SEMA3C: variants seen among roughly 807,000 people sequenced by gnomAD.
SEMA3C encodes the protein semaphorin 3C.
A neutral mutation model predicts 89.4 loss-of-function variants in SEMA3C; 47 were observed. The ratio of observed to expected loss-of-function variants is 0.53; its 90% CI spans 0.42 to 0.67. SEMA3C has a LOEUF of 0.67. Ranked by LOEUF, SEMA3C falls within the 30% of genes least tolerant of loss-of-function variation. The pLI is 0.00. For synonymous variants in SEMA3C, 310 were observed against 320.2 expected, an observed-to-expected ratio of 0.97 and a Z score of 0.34; for missense variants, 839 against 929.1, an observed-to-expected ratio of 0.90 and a Z score of 1.26.
intron 3 of SEMA3C, 107 bp from the exon 4 acceptor site, chr7:80,827,594 C>T (rs1327484864): frequency 5.8e-6 from 4 of 695,112 alleles, no homozygotes; most frequent in Admixed American, 3.7e-5. Context: ...TGATCTTACA[C>T]TAAGACTTTA....
At chr7:80,911,588 G>C (rs1371056901) in intron 2 of SEMA3C, among the ~76,000 whole-genome samples, 2 of 150,760 alleles carry the variant, frequency 1.3e-5, no homozygotes, top group Non-Finnish European at 2.9e-5. Context: ...ACATGTTTAG[G>C]CATGTCTATT....
At chr7:80,757,577 C>T (rs1788092535) in intron 15 of SEMA3C, among the ~76,000 whole-genome samples, 1 of 152,086 alleles carries the variant, frequency 6.6e-6, no homozygotes, top group African/African-American at 2.4e-5. Flanking sequence ...CTAGAACCAG[C>T]ATTATAAGAT....
Position 80,765,187 on chromosome 7 carries a change from CG to C in SEMA3C, c.1410del (p.Glu471SerfsTer16). The C allele has an allele frequency of 6.2e-7, 1 of 1,613,656 alleles. No homozygotes were observed. The highest frequency in any genetic ancestry group is 8.5e-7 in the Non-Finnish European group (1 of 1,179,796). ...ACTTCCAGCTCCTCCAGAATGAGCT[CG>C]CCACTGACAGAGTTGTTAGTAGGAA... ...VVLPTNNSVS[G>X]ELILEELEVF... On this transcript the variant is annotated frameshift_variant, in exon 13 of 18. Coordinates refer to ENST00000265361, the MANE Select transcript of SEMA3C (RefSeq NM_006379.5). LOFTEE classifies it high-confidence loss of function.
At chr7:80,784,282 A>AG (rs555235150) in intron 12 of SEMA3C, among the ~76,000 whole-genome samples, 1 of 150,864 alleles carries the variant, frequency 6.6e-6, no homozygotes. Flanking sequence ...AAAAAAAAAA[A>AG]AGAGAGATAA....
chr7:80,905,860 C>T (rs532452561), intron 2 of SEMA3C: 13 of 1,289,540 alleles, frequency 1.0e-5, no homozygotes, highest in African/African-American at 6.1e-5. Flanking sequence ...ACCAAATTCA[C>T]GCCACACTTC....
chr7:80,898,416 G>T (rs182974857), intron 2 of SEMA3C, among the ~76,000 whole-genome samples: 1 of 152,044 alleles, frequency 6.6e-6, no homozygotes, highest in Non-Finnish European at 1.5e-5. Context: ...ACTAAAATGT[G>T]AAATAATTCT....
chr7:80,769,433 A>G (rs59209351), intron 12 of SEMA3C, among the ~76,000 whole-genome samples: 3,645 of 152,232 alleles, frequency 0.024, 149 homozygotes, highest in African/African-American at 0.083. Context: ...ATATTCCCCA[A>G]TGTTTTCACT....
At chr7:80,765,523 G>A (rs1202388363) in intron 12 of SEMA3C, among the ~76,000 whole-genome samples, 1 of 152,100 alleles carries the variant, frequency 6.6e-6, no homozygotes, top group Non-Finnish European at 1.5e-5. Context: ...CAAAAGTTCG[G>A]AACCAAATGT....
At position 80,743,490 on chromosome 7, in the gene SEMA3C, T is replaced by C. The variant is rs914205837; in HGVS notation, c.*1404A>G. The C allele has an allele frequency of 6.6e-6, 1 of 151,860 alleles. No homozygotes were observed. Among genetic ancestry groups the C allele is most frequent in the Non-Finnish European group, 1.5e-5 (1 of 67,808 alleles). 9.4% of individuals were successfully genotyped at this position (151,860 alleles called of 1,614,324 possible). On this transcript the variant is annotated 3_prime_UTR_variant, in exon 18 of 18. Coordinates refer to ENST00000265361, the MANE Select transcript of SEMA3C (RefSeq NM_006379.5). ...TATGATATTTGGATTAGGTACATGGTACAATATCTGTTTTTACCTGGAAGC... is the reference window on the plus strand; with the variant it reads ...TATGATATTTGGATTAGGTACATGGCACAATATCTGTTTTTACCTGGAAGC...
chr7:80,854,346 G>T (rs1203676229), intron 2 of SEMA3C, among the ~76,000 whole-genome samples: 12 of 152,184 alleles, frequency 7.9e-5, no homozygotes, highest in Non-Finnish European at 1.8e-4. Flanking sequence ...GAGGCTCGCT[G>T]TTCCTTTAAC....
chr7:80,833,693 G>A (rs533807677), intron 2 of SEMA3C, among the ~76,000 whole-genome samples: 10 of 151,972 alleles, frequency 6.6e-5, no homozygotes, highest in Non-Finnish European at 1.2e-4. Context: ...AAAAAGCCTA[G>A]GCTATTTTGT....
At position 80,804,250 on chromosome 7, in the gene SEMA3C, T is replaced by C; in HGVS notation, c.659-2A>G. 1 of 1,579,012 alleles carries C rather than the reference T, an allele frequency of 6.3e-7. No homozygotes were observed. The highest frequency in any genetic ancestry group is 8.6e-7 in the Non-Finnish European group (1 of 1,163,558). On this transcript the variant is annotated splice_acceptor_variant, in intron 7 of 17. Transcript: ENST00000265361. LOFTEE classifies it high-confidence loss of function. The stretch of plus-strand genomic sequence containing the variant: ...CATGTGCATCTACAAACATAGGTTC[T>C]AGAAAAAAAGGTAAAAGACTAGGTA...
At chr7:80,825,464 A>G (rs1789850791) in intron 4 of SEMA3C, among the ~76,000 whole-genome samples, 1 of 152,202 alleles carries the variant, frequency 6.6e-6, no homozygotes, top group African/African-American at 2.4e-5. Context: ...AAACTATGGG[A>G]AAATGTCAGC....
rs577260989 is a variant in SEMA3C at position 80,796,821 on chromosome 7, C to A, written c.1131+1271G>T. 1.2e-3 allele frequency among the ~76,000 whole-genome samples: 181 copies of A among 152,184 alleles called. 2 individuals carry two copies. The highest frequency in any genetic ancestry group is 1.9e-3 in the Non-Finnish European group (126 of 68,016). Reference sequence around the variant, plus strand: ...ATATAAATGATTAAACTTTGAGCTTCCTAGCCAGGAACAAAACTTAAGCTT... The same window carrying A: ...ATATAAATGATTAAACTTTGAGCTTACTAGCCAGGAACAAAACTTAAGCTT... On this transcript the variant is annotated intron_variant, in intron 11 of 17. Coordinates refer to ENST00000265361, the MANE Select transcript of SEMA3C (RefSeq NM_006379.5).
At chr7:80,856,628 A>G (rs1010699192) in intron 2 of SEMA3C, among the ~76,000 whole-genome samples, 8 of 151,504 alleles carry the variant, frequency 5.3e-5, no homozygotes, top group African/African-American at 1.9e-4. Flanking sequence ...AGTTTAAAGG[A>G]TTAATAAACA....
chr7:80,807,070 G>C (rs1789358641), intron 6 of SEMA3C, among the ~76,000 whole-genome samples: 1 of 150,648 alleles, frequency 6.6e-6, no homozygotes, highest in African/African-American at 2.4e-5. Flanking sequence ...GTGTATGAAG[G>C]CTTTTTTTTT....
At chr7:80,908,694 A>T (rs1447678042) in intron 2 of SEMA3C, among the ~76,000 whole-genome samples, 1 of 152,142 alleles carries the variant, frequency 6.6e-6, no homozygotes, top group Admixed American at 6.6e-5. Context: ...TTGCTATTCA[A>T]CAACTCATTT....
intron 2 of SEMA3C, among the ~76,000 whole-genome samples, chr7:80,887,402 G>A (rs1791509559): frequency 1.3e-5 from 2 of 152,268 alleles, no homozygotes; most frequent in South Asian, 4.1e-4. Context: ...CATAGTGAGA[G>A]TGAATGCCTC....
intron 2 of SEMA3C, among the ~76,000 whole-genome samples, chr7:80,858,067 T>G (rs919233104): frequency 6.6e-6 from 1 of 152,126 alleles, no homozygotes; most frequent in Non-Finnish European, 1.5e-5. Flanking sequence ...TTTACCTTAA[T>G]ATTTTTATGT....
Sources: allele counts gnomAD v4.1 joint callset (sites outside exome capture counted in the v4.1 genomes callset), GRCh38; gene constraint gnomAD v4.1.1; transcripts MANE v1.5; gene names NCBI Gene and HGNC (gene_info 2026-07-23, HGNC 2026-07-21).